CEP76: variants seen among roughly 807,000 people sequenced by gnomAD.
CEP76 encodes the protein centrosomal protein of 76 kDa.
In CEP76, 55 loss-of-function variants were observed where a neutral mutation model predicts 83.3. The ratio of observed to expected loss-of-function variants is 0.66; its 90% CI spans 0.53 to 0.83. The LOEUF (loss-of-function observed/expected upper bound fraction) is 0.83, where lower values mean the gene tolerates loss of function less well. CEP76 is among the 40% of genes least tolerant of loss of function. CEP76 has a pLI of 0.00. For synonymous variants in CEP76, 270 were observed against 274.5 expected, an observed-to-expected ratio of 0.98 and a Z score of 0.16; for missense variants, 694 against 799.5, an observed-to-expected ratio of 0.87 and a Z score of 1.59.
intron 1 of CEP76, among the ~76,000 whole-genome samples, chr18:12,702,199 A>C (rs1027798745): frequency 6.6e-6 from 1 of 152,254 alleles, no homozygotes; most frequent in African/African-American, 2.4e-5. Context: ...TCCGACTTCC[A>C]GAAGTCGCTC....
At chr18:12,666,513 A>T (rs1598604996) in intron 12 of CEP76, among the ~76,000 whole-genome samples, 1 of 141,892 alleles carries the variant, frequency 7.0e-6, no homozygotes, top group South Asian at 2.2e-4. Flanking sequence ...ATCATGGCTC[A>T]CTGAAGCCTC....
rs984375948 is a variant in CEP76 at position 12,686,570 on chromosome 18, G to C, written c.934-120C>G. ...ATACCATTGATCGAGTGCTTACCTT[G>C]TATCCAGTATTTGGCTGCAAAGTGC... is the stretch of plus-strand genomic sequence containing the variant. On this transcript the variant is annotated intron_variant, in intron 7 of 11. Transcript: ENST00000262127. 9.1e-5 allele frequency: 65 copies of C among 710,388 alleles called. No homozygotes were observed. In the Middle Eastern group the frequency reaches 2.0e-3, roughly 22 times the overall value. 44.0% of individuals were successfully genotyped at this position (710,388 alleles called of 1,614,324 possible).
chr18:12,680,458 C>T (rs528394526), intron 9 of CEP76, among the ~76,000 whole-genome samples: 5 of 151,708 alleles, frequency 3.3e-5, no homozygotes, highest in African/African-American at 7.2e-5. Flanking sequence ...CAGCCAGGTG[C>T]GGTGGCACAT....
At chr18:12,663,815 G>A (rs1342450093) in intron 12 of CEP76, among the ~76,000 whole-genome samples, 2 of 152,166 alleles carry the variant, frequency 1.3e-5, no homozygotes, top group Non-Finnish European at 2.9e-5. Context: ...GCCCAGGCTG[G>A]ATGGAGTGCA....
At chr18:12,700,344 A>G in intron 2 of CEP76, 1 of 152,946 alleles carries the variant, frequency 6.5e-6, no homozygotes, top group East Asian at 1.9e-4. Context: ...TGCTGTATTA[A>G]AATACTTATT....
intron 11 of CEP76, 103 bp from the exon 12 acceptor site, chr18:12,673,606 G>T (rs986605208): frequency 1.1e-5 from 10 of 917,374 alleles, no homozygotes; most frequent in Admixed American, 3.4e-5. Flanking sequence ...CAGGCTAGGC[G>T]TGGTGGCTCA....
intron 1 of CEP76, among the ~76,000 whole-genome samples, chr18:12,702,051 G>C (rs930409290): frequency 1.3e-5 from 2 of 152,160 alleles, no homozygotes; most frequent in Non-Finnish European, 2.9e-5. Context: ...GCTTAAACCT[G>C]GGAGGCGGAG....
intron 2 of CEP76, among the ~76,000 whole-genome samples, chr18:12,700,661 T>C (rs1296441001): frequency 6.6e-6 from 1 of 152,182 alleles, no homozygotes; most frequent in African/African-American, 2.4e-5. Context: ...TTTGTTATGG[T>C]GAACTAATTG....
intron 6 of CEP76, 99 bp from the exon 7 acceptor site, chr18:12,691,586 CTAA>C: frequency 2.5e-6 from 2 of 807,570 alleles, no homozygotes; most frequent in Non-Finnish European, 1.9e-6. Context: ...CATTACCACC[CTAA>C]TCTGAGTCAT....
intron 7 of CEP76, chr18:12,686,700 G>A (rs573283157): frequency 8.7e-5 from 28 of 322,260 alleles, no homozygotes; most frequent in African/African-American, 6.0e-4. Context: ...CAAGCTCTGA[G>A]CTGTTTTACT....
intron 10 of CEP76, among the ~76,000 whole-genome samples, chr18:12,676,400 G>T (rs998135281): frequency 6.8e-6 from 1 of 146,728 alleles, no homozygotes; most frequent in South Asian, 2.2e-4. Context: ...CTCAGCCTCC[G>T]AGTATCTGGG....
chr18:12,691,071 T>A (rs1216785675), intron 7 of CEP76, among the ~76,000 whole-genome samples: 1 of 152,142 alleles, frequency 6.6e-6, no homozygotes, highest in South Asian at 2.1e-4. Flanking sequence ...TCATCTACTT[T>A]AAATCAAATA....
intron 3 of CEP76, 84 bp downstream of exon 3, chr18:12,699,746 A>C: frequency 2.7e-6 from 2 of 750,442 alleles, no homozygotes. Flanking sequence ...AAAAAATGGA[A>C]ATGTCTTCTA....
At chr18:12,668,597 CAAAAAAAAAAAAAAA>C (rs752216074), downstream of CEP76, among the ~76,000 whole-genome samples, 23,515 of 73,070 alleles carry the variant, frequency 0.32, 2,769 homozygotes, top group East Asian at 0.49. Flanking sequence ...GATTCCATCT[CAAAAAAAAAAAAAAA>C]AAAAAAAAAA....
chr18:12,674,439 G>GT (rs2039047806), intron 11 of CEP76, 97 bp downstream of exon 11: 2 of 800,190 alleles, frequency 2.5e-6, no homozygotes, highest in Non-Finnish European at 1.9e-6. Flanking sequence ...AAGACCTTGA[G>GT]TTAAAAAAAA....
At chr18:12,671,026 T>C (rs2038928359), downstream of CEP76, 1 of 152,088 alleles carries the variant, frequency 6.6e-6, no homozygotes, top group Non-Finnish European at 1.5e-5. Flanking sequence ...CCATTTTTGA[T>C]GAAAATTGTA....
In CEP76 at chr18:12,702,467, C is replaced by G; in HGVS notation, c.63+19G>C. ...TATGGGTCGGCCCGGCGGTCTCTCC[C>G]AGCACCCGCGACTCTCACCTTGCTC... On this transcript the variant is annotated intron_variant, in intron 1 of 11. Transcript: ENST00000262127. 1 of 1,590,876 alleles carries G rather than the reference C, an allele frequency of 6.3e-7. No individual in the cohort carries two copies. Among genetic ancestry groups the G allele is most frequent in the South Asian group, 1.1e-5 (1 of 89,626 alleles).
At chr18:12,670,807 CCTG>C (rs2038923389), downstream of CEP76, 1 of 151,932 alleles carries the variant, frequency 6.6e-6, no homozygotes. Flanking sequence ...ACGATCACGC[CCTG>C]CTAATTTTTT....
chr18:12,672,312 C>T (rs1212011117), downstream of CEP76, among the ~76,000 whole-genome samples: 2 of 152,018 alleles, frequency 1.3e-5, no homozygotes, highest in Non-Finnish European at 2.9e-5. Flanking sequence ...GACAGGGTTT[C>T]ACCATGTTGC....
Sources: gnomAD v4.1 joint callset for allele counts (sites outside exome capture counted in the v4.1 genomes callset) on GRCh38, gnomAD v4.1.1 for gene constraint, MANE v1.5 for transcripts, NCBI Gene and HGNC (gene_info 2026-07-23, HGNC 2026-07-21) for gene names.